TGIF1: variants seen among roughly 807,000 people sequenced by gnomAD.
The protein encoded by TGIF1 is TGFB induced factor homeobox 1, also known as homeobox protein TGIF1.
In TGIF1, 4 loss-of-function variants were observed where a neutral mutation model predicts 19.3. The ratio of observed to expected loss-of-function variants is 0.21; its 90% CI spans 0.10 to 0.47. The LOEUF (loss-of-function observed/expected upper bound fraction) is 0.47, where lower values mean the gene tolerates loss of function less well. Among genes scored for constraint, TGIF1 ranks in the 20% least tolerant of loss-of-function variants. The pLI is 0.98. For synonymous variants in TGIF1, 122 were observed against 129.3 expected (o/e 0.94, Z 0.38); for missense variants, 275 against 341.4 (o/e 0.81, Z 1.53).
chr18:3,451,629 TGG>T lies in TGIF1; in HGVS notation c.16+1129_16+1130del, dbSNP rs941585470. The T allele has an allele frequency of 1.8e-6, 2 of 1,102,796 alleles. No individual in the cohort carries two copies. The highest frequency in any genetic ancestry group is 3.3e-5 in the African/African-American group (2 of 61,266). The allele number at this position is 1,102,796 out of a possible 1,614,324, so 68.3% of individuals were successfully genotyped here. A position where few individuals can be genotyped will look rare whatever the true frequency, so the allele number is the denominator to read the frequency against. ...GACCCGGCCCGCTGCGGGGCGTTCC[TGG>T]GGGGTAGCCTCAAGGCCAGCGGGGT... is the stretch of plus-strand genomic sequence containing the variant. On this transcript the variant is annotated intron_variant, in intron 1 of 2. Coordinates refer to ENST00000343820, the MANE Select transcript of TGIF1 (RefSeq NM_003244.4). The surrounding 1 kb of genome is among the most constrained non-coding windows in gnomAD (Gnocchi z 5.4).
intron 1 of TGIF1, chr18:3,452,391 C>G: frequency 5.6e-6 from 9 of 1,613,180 alleles, no homozygotes; most frequent in Non-Finnish European, 6.8e-6. Flanking sequence ...AGGTGACGGG[C>G]TGAAGGGGAA....
At chr18:3,415,712 A>G (rs11081044) in intron 1 of TGIF1, 143,344 of 186,650 alleles carry the variant, frequency 0.77, 55,870 homozygotes, top group African/African-American at 0.92. Flanking sequence ...TTCGGCCTTG[A>G]CTGTGGGCAG....
At chr18:3,417,586 ATATAAC>A (rs779631712) in intron 1 of TGIF1, among the ~76,000 whole-genome samples, 9 of 152,254 alleles carry the variant, frequency 5.9e-5, no homozygotes, top group Non-Finnish European at 1.2e-4. Flanking sequence ...ATTTGTATTT[ATATAAC>A]TATATCTATT....
intron 2 of TGIF1, among the ~76,000 whole-genome samples, chr18:3,432,144 A>AAAAAAAAAAAAAAAAAAAG (rs199561203): frequency 2.2e-5 from 3 of 138,502 alleles, no homozygotes; most frequent in Non-Finnish European, 3.0e-5. Context: ...AAAAAAAAAA[A>AAAAAAAAAAAAAAAAAAAG]CACTAAGAAA....
chr18:3,415,385 T>C (rs2082319206), intron 1 of TGIF1: 2 of 462,758 alleles, frequency 4.3e-6, no homozygotes, highest in Admixed American at 2.2e-5. Context: ...CAGAGTGAGA[T>C]TCAGTCAGGG....
chr18:3,414,924 G>A (rs1456353940), intron 1 of TGIF1, among the ~76,000 whole-genome samples: 3 of 152,160 alleles, frequency 2.0e-5, no homozygotes, highest in Admixed American at 2.0e-4. Flanking sequence ...AATGTCCAAT[G>A]TCAGAAAGAT....
At chr18:3,423,647 C>T (rs763052957) in intron 2 of TGIF1, among the ~76,000 whole-genome samples, 10 of 151,984 alleles carry the variant, frequency 6.6e-5, no homozygotes. Flanking sequence ...CGCGCCACTG[C>T]CCTCCAGCCT....
intron 2 of TGIF1, among the ~76,000 whole-genome samples, chr18:3,422,969 G>C (rs577005954): frequency 2.0e-5 from 3 of 152,052 alleles, no homozygotes; most frequent in Non-Finnish European, 4.4e-5. Flanking sequence ...GATTGTAGGC[G>C]TGAGCCACCG....
At chr18:3,421,953 C>G (rs953233021) in intron 2 of TGIF1, among the ~76,000 whole-genome samples, 5 of 151,646 alleles carry the variant, frequency 3.3e-5, no homozygotes, top group South Asian at 2.1e-4. Flanking sequence ...CAGCACTTTG[C>G]GAGGCTGAGG....
At chr18:3,440,050 G>C (rs1261730812) in intron 2 of TGIF1, among the ~76,000 whole-genome samples, 1 of 151,178 alleles carries the variant, frequency 6.6e-6, no homozygotes, top group African/African-American at 2.4e-5. Context: ...TACTGATTTA[G>C]ACATTTATTT....
chr18:3,456,449 A>G lies in TGIF1; in HGVS notation c.112A>G (p.Arg38Gly), dbSNP rs1223050719. 1 of 1,614,236 alleles carries G rather than the reference A, an allele frequency of 6.2e-7. No homozygotes were observed. The highest frequency in any genetic ancestry group is 1.1e-5 in the South Asian group (1 of 91,090). Residue 38 changes from arginine to glycine, a missense_variant, in exon 2 of 3, where the codon AGA (arginine) becomes GGA (glycine). Physicochemically the swap from Arg to Gly is moderately radical, Grantham distance 125. Coordinates refer to ENST00000343820, the MANE Select transcript of TGIF1 (RefSeq NM_003244.4). The surrounding 1 kb of genome is among the most constrained non-coding windows in gnomAD (Gnocchi z 4.2). ...ATCCGCTGGCTCAGGCAAGAGAAGG[A>G]GAAGGGGCAACCTACCCAAGGAGTC... ...SSSAGSGKRRRRGNLPKESVQ... is the reference protein window; with the variant it reads ...SSSAGSGKRRGRGNLPKESVQ...
intron 2 of TGIF1, among the ~76,000 whole-genome samples, chr18:3,427,756 C>A (rs1249721649): frequency 6.6e-6 from 1 of 152,058 alleles, no homozygotes; most frequent in Admixed American, 6.6e-5. Flanking sequence ...ACTGCCACCA[C>A]ACCTGGCTAA....
In TGIF1 at chr18:3,452,032, C is replaced by T. The variant is rs111896914; in HGVS notation, c.16+1527C>T. ...GCCGGGGTGGGCTCCCCGCATTGTT[C>T]GGGCTCCGGCGGGGGCGGCTCTGAT... On this transcript the variant is annotated intron_variant, in intron 1 of 2. Transcript: ENST00000343820. The T allele has an allele frequency of 0.032, 51,106 of 1,611,486 alleles. 1,037 individuals carry two copies. Among genetic ancestry groups the T allele is most frequent in the South Asian group, 0.052 (4,692 of 90,758 alleles).
chr18:3,438,596 A>AC (rs1555647866), intron 2 of TGIF1, among the ~76,000 whole-genome samples: 1 of 136,002 alleles, frequency 7.4e-6, no homozygotes, highest in Non-Finnish European at 1.6e-5. Flanking sequence ...CATACACACA[A>AC]ACACACACAC....
chr18:3,425,806 C>A (rs1004502025), intron 2 of TGIF1, among the ~76,000 whole-genome samples: 1 of 152,166 alleles, frequency 6.6e-6, no homozygotes, highest in Non-Finnish European at 1.5e-5. Flanking sequence ...CAACTGAACT[C>A]TTTCTTGACT....
chr18:3,424,153 A>G (rs544201622), intron 2 of TGIF1, among the ~76,000 whole-genome samples: 3 of 152,278 alleles, frequency 2.0e-5, no homozygotes, highest in Middle Eastern at 6.8e-3. Context: ...GATCAAGTAC[A>G]TATCTCATTG....
intron 2 of TGIF1, among the ~76,000 whole-genome samples, chr18:3,426,882 C>G (rs993497387): frequency 1.4e-5 from 2 of 148,028 alleles, no homozygotes; most frequent in South Asian, 2.1e-4. Context: ...CAGTGGGGTA[C>G]TATGCAGCGG....
In TGIF1 at chr18:3,456,325, A is replaced by G; in HGVS notation, c.17-29A>G. 2 of 1,603,736 alleles carry G rather than the reference A, an allele frequency of 1.2e-6. No individual in the cohort carries two copies. The highest frequency in any genetic ancestry group is 2.2e-5 in the South Asian group (2 of 90,838). ...CAATAGTTGCTGTGCTTATAAAGCA[A>G]CTGACAACTGGCCCTTGTCCTTTCC... On this transcript the variant is annotated intron_variant, in intron 1 of 2. Coordinates refer to ENST00000343820, the MANE Select transcript of TGIF1 (RefSeq NM_003244.4). This position sits in a 1 kb window ranked among gnomAD's most constrained non-coding sequence, Gnocchi z 4.2.
At position 3,457,593 on chromosome 18, in the gene TGIF1, C is replaced by A. The variant is rs1480247337; in HGVS notation, c.472C>A (p.Pro158Thr). ...PNPTLGRPLS[P>T]KPSSPGSVLA... ...CCCAACCCTAGGGAGGCCACTGTCT[C>A]CTAAGCCGTCATCCCCGGGATCAGT... Residue 158 changes from proline to threonine, a missense_variant, in exon 3 of 3, where the codon CCT becomes ACT. By Grantham distance (38) the Pro-to-Thr change is conservative. Transcript: ENST00000343820. The surrounding 1 kb of genome is among the most constrained non-coding windows in gnomAD (Gnocchi z 4.9). 7 of 1,614,240 alleles carry A rather than the reference C, an allele frequency of 4.3e-6. No individual in the cohort carries two copies. The highest frequency in any genetic ancestry group is 5.9e-6 in the Non-Finnish European group (7 of 1,180,044).
Sources: allele counts gnomAD v4.1 joint callset (sites outside exome capture counted in the v4.1 genomes callset), GRCh38; gene constraint gnomAD v4.1.1; non-coding constraint Gnocchi (gnomAD v3.1); transcripts MANE v1.5; gene names NCBI Gene and HGNC (gene_info 2026-07-23, HGNC 2026-07-21).